Variants in SH3BGRL2 observed in about 807,000 individuals in gnomAD.
SH3BGRL2 encodes the protein SH3 domain-binding glutamic acid-rich-like protein 2.
SH3BGRL2 carries 21 observed loss-of-function variants against 14.8 expected under a neutral mutation model. That is an observed-to-expected ratio of 1.42 (90% CI 1.01 to 2.05). The LOEUF (loss-of-function observed/expected upper bound fraction) is 2.05. SH3BGRL2 is among the 30% of genes most tolerant of loss of function. The pLI is 0.00. For missense variants in SH3BGRL2, 147 were observed against 130.8 expected (o/e 1.12, Z -0.61); for synonymous variants, 50 against 47.8 (o/e 1.05, Z -0.19).
intron 1 of SH3BGRL2, among the ~76,000 whole-genome samples, chr6:79,641,431 A>C (rs1769031967): frequency 6.6e-6 from 1 of 152,104 alleles, no homozygotes; most frequent in South Asian, 2.1e-4. Flanking sequence ...GTTTATATTC[A>C]ACCCATGCAC....
At chr6:79,631,653 C>A (rs1768828210) in intron 1 of SH3BGRL2, 147 bp downstream of exon 1, 6 of 236,588 alleles carry the variant, frequency 2.5e-5, no homozygotes, top group Non-Finnish European at 3.7e-5. Context: ...CACACTCCGA[C>A]AACAATGAAG....
intron 1 of SH3BGRL2, among the ~76,000 whole-genome samples, chr6:79,652,654 A>G (rs1367547992): frequency 6.6e-6 from 1 of 152,030 alleles, no homozygotes; most frequent in East Asian, 1.9e-4. Flanking sequence ...AGGATGAATC[A>G]ATGCCTGAAA....
Position 79,699,492 on chromosome 6 carries a change from T to TTA in SH3BGRL2, c.313-3_313-2dup. On this transcript the variant is annotated splice_polypyrimidine_tract_variant and splice_region_variant and intron_variant, in intron 3 of 3. Coordinates refer to ENST00000369838, the MANE Select transcript of SH3BGRL2 (RefSeq NM_031469.4). ...TTTTTTTTTTTTTTTTTTTTTTTTT[T>TTA]TATAGGCAGAACCTTAGAGAAGAAG... 2.7e-6 allele frequency: 4 copies of TTA among 1,471,370 alleles called. No homozygotes were observed. Among genetic ancestry groups the TTA allele is most frequent in the Non-Finnish European group, 2.7e-6 (3 of 1,111,430 alleles). 91.1% of individuals were successfully genotyped at this position (1,471,370 alleles called of 1,614,324 possible).
the SH3BGRL2 span, chr6:79,573,910 G>A: frequency 4.0e-5 from 6 of 151,880 alleles, no homozygotes; most frequent in Non-Finnish European, 8.8e-5. Flanking sequence ...TTCTTCATTT[G>A]CACCCTTTGT....
At chr6:79,631,309 G>C (rs562895720), upstream of SH3BGRL2, 1 of 596,980 alleles carries the variant, frequency 1.7e-6, no homozygotes, top group Non-Finnish European at 2.6e-6. Flanking sequence ...TTTTATCTGC[G>C]GACCCGCCGG....
chr6:79,667,057 G>C (rs1231204665), intron 1 of SH3BGRL2, among the ~76,000 whole-genome samples: 2 of 152,112 alleles, frequency 1.3e-5, no homozygotes, highest in Non-Finnish European at 2.9e-5. Context: ...AAGATAATTG[G>C]GTTCTATTAA....
At chr6:79,618,480 G>A in the SH3BGRL2 span, among the ~76,000 whole-genome samples, 1 of 152,162 alleles carries the variant, frequency 6.6e-6, no homozygotes, top group African/African-American at 2.4e-5. Flanking sequence ...GGCCGAGGCC[G>A]GCGGATCACG....
At chr6:79,629,048 A>G (rs1460339022), upstream of SH3BGRL2, among the ~76,000 whole-genome samples, 1 of 152,234 alleles carries the variant, frequency 6.6e-6, no homozygotes, top group Non-Finnish European at 1.5e-5. Flanking sequence ...CTGTCAGTCT[A>G]CCATAGACAA....
chr6:79,589,408 A>C, the SH3BGRL2 span, among the ~76,000 whole-genome samples: 1 of 152,206 alleles, frequency 6.6e-6, no homozygotes, highest in Admixed American at 6.5e-5. Flanking sequence ...TTTGTAACTT[A>C]GATTTACTCA....
the SH3BGRL2 span, among the ~76,000 whole-genome samples, chr6:79,591,787 C>T: frequency 6.6e-6 from 1 of 152,148 alleles, no homozygotes; most frequent in Non-Finnish European, 1.5e-5. Context: ...ATGTATACTC[C>T]ACTTTATCCA....
At chr6:79,619,883 T>C in the SH3BGRL2 span, among the ~76,000 whole-genome samples, 1 of 152,352 alleles carries the variant, frequency 6.6e-6, no homozygotes, top group Admixed American at 6.5e-5. Context: ...AAAAGAAACC[T>C]GAGATTTTAC....
At chr6:79,547,973 C>T in the SH3BGRL2 span, among the ~76,000 whole-genome samples, 1 of 152,112 alleles carries the variant, frequency 6.6e-6, no homozygotes, top group Non-Finnish European at 1.5e-5. Context: ...TCAAGCAGTC[C>T]TCCCACCCCA....
intron 1 of SH3BGRL2, among the ~76,000 whole-genome samples, chr6:79,634,346 CG>C (rs1324276749): frequency 6.6e-6 from 1 of 152,094 alleles, no homozygotes; most frequent in East Asian, 1.9e-4. Context: ...CCTGAAAAAT[CG>C]GATTTCTTAT....
At chr6:79,614,699 G>A in the SH3BGRL2 span, among the ~76,000 whole-genome samples, 5 of 152,140 alleles carry the variant, frequency 3.3e-5, no homozygotes, top group African/African-American at 4.8e-5. Context: ...TAGTATTGGC[G>A]TAGAAAAGCC....
Position 79,696,627 on chromosome 6 carries a change from T to C in SH3BGRL2, c.312+62T>C, listed in dbSNP as rs1314211049. ...ATCTCTTTTGAATTTTTCTTAGAGATGTAGAGTGACGGTGTTAGAGGAATG... is the reference window on the plus strand; with the variant it reads ...ATCTCTTTTGAATTTTTCTTAGAGACGTAGAGTGACGGTGTTAGAGGAATG... On this transcript the variant is annotated intron_variant, in intron 3 of 3. Transcript: ENST00000369838. The C allele has an allele frequency of 1.2e-5, 15 of 1,266,002 alleles. No homozygotes were observed. The Middle Eastern group carries it at 5.9e-4, about 49-fold the overall frequency. The allele number at this position is 1,266,002 out of a possible 1,614,324, so 78.4% of individuals were successfully genotyped here.
chr6:79,581,087 A>G, the SH3BGRL2 span, among the ~76,000 whole-genome samples: 1 of 152,228 alleles, frequency 6.6e-6, no homozygotes, highest in East Asian at 1.9e-4. Context: ...AGAATAACCA[A>G]GGAAGAAGTT....
the SH3BGRL2 span, among the ~76,000 whole-genome samples, chr6:79,557,020 T>A: frequency 6.6e-6 from 1 of 151,864 alleles, no homozygotes; most frequent in African/African-American, 2.4e-5. Flanking sequence ...AAAGTACTTC[T>A]GGAAATCCAA....
intron 1 of SH3BGRL2, among the ~76,000 whole-genome samples, chr6:79,637,201 T>C (rs868146969): frequency 5.5e-4 from 84 of 152,300 alleles, no homozygotes; most frequent in Middle Eastern, 3.4e-3. Flanking sequence ...GTTTTTCTAG[T>C]ACATTTTAGT....
At chr6:79,640,765 G>A (rs1769015074) in intron 1 of SH3BGRL2, among the ~76,000 whole-genome samples, 1 of 152,046 alleles carries the variant, frequency 6.6e-6, no homozygotes, top group Non-Finnish European at 1.5e-5. Flanking sequence ...GCGACTGAGG[G>A]CAGGGGGTTC....
Sources: allele counts gnomAD v4.1 joint callset (sites outside exome capture counted in the v4.1 genomes callset), GRCh38; gene constraint gnomAD v4.1.1; transcripts MANE v1.5; gene names NCBI Gene and HGNC (gene_info 2026-07-23, HGNC 2026-07-21).